The following MLPH variants were observed in gnomAD, a reference collection of about 807,000 sequenced individuals.
The protein encoded by MLPH is exophilin-3.
MLPH carries 51 observed loss-of-function variants against 72.1 expected under a neutral mutation model. That is an observed-to-expected ratio of 0.71 (90% CI 0.56 to 0.89). MLPH has a LOEUF of 0.89. Among genes scored for constraint, MLPH ranks in the 40% least tolerant of loss-of-function variants. MLPH has a pLI of 0.00. For synonymous variants in MLPH, 301 were observed against 310.1 expected (o/e 0.97, Z 0.31); for missense variants, 743 against 759.9 (o/e 0.98, Z 0.26).
chr2:237,493,584 C>A, intron 2 of MLPH, 48 bp downstream of exon 2: 1 of 1,446,244 alleles, frequency 6.9e-7, no homozygotes, highest in East Asian at 2.3e-5. Flanking sequence ...CCTGATCTTC[C>A]CCCAGGGCCA....
intron 4 of MLPH, among the ~76,000 whole-genome samples, chr2:237,516,519 T>G (rs1038171698): frequency 6.6e-6 from 1 of 152,172 alleles, no homozygotes; most frequent in Non-Finnish European, 1.5e-5. Context: ...ATGACTTAGC[T>G]CTAGGCCTCA....
At chr2:237,511,180 ATG>A (rs745488889) in intron 4 of MLPH, 79 bp downstream of exon 4, 35 of 1,108,088 alleles carry the variant, frequency 3.2e-5, no homozygotes, top group Non-Finnish European at 4.1e-5. Context: ...TGGAGTGTGC[ATG>A]TGTGTGTGTA....
At position 237,510,954 on chromosome 2, in the gene MLPH, C is replaced by G. The variant is rs753890050; in HGVS notation, c.333-35C>G. The G allele has an allele frequency of 1.9e-6, 3 of 1,583,238 alleles. No individual in the cohort carries two copies. In the Admixed American group the frequency reaches 5.0e-5, roughly 26 times the overall value. On this transcript the variant is annotated intron_variant, in intron 3 of 15. Coordinates refer to ENST00000264605, the MANE Select transcript of MLPH (RefSeq NM_024101.7). The surrounding 1 kb of genome is among the most constrained non-coding windows in gnomAD (Gnocchi z 4.4). Reference sequence around the variant, plus strand: ...TTTATGCAGGCCTGTGTACAGCACTCAGGCAGTGCCATGAGCCTGTGCTTG... The same window carrying G: ...TTTATGCAGGCCTGTGTACAGCACTGAGGCAGTGCCATGAGCCTGTGCTTG...
intron 5 of MLPH, 44 bp from the exon 6 acceptor site, chr2:237,519,851 TGGTCCTCTCCCTCAA>T: frequency 6.2e-7 from 1 of 1,613,204 alleles, no homozygotes; most frequent in Non-Finnish European, 8.5e-7. Context: ...GCAGGGTATT[TGGTCCTCTCCCTCAA>T]GCTAGCCCTG....
At chr2:237,548,677 G>A (rs1040077199) in intron 13 of MLPH, among the ~76,000 whole-genome samples, 14 of 152,136 alleles carry the variant, frequency 9.2e-5, no homozygotes, top group African/African-American at 3.4e-4. Context: ...GACCATTCTG[G>A]CTAACACGGT....
intron 4 of MLPH, chr2:237,518,294 A>G (rs1379435507): frequency 3.4e-6 from 2 of 593,522 alleles, no homozygotes; most frequent in Non-Finnish European, 6.2e-6. Flanking sequence ...TAGGTGGATG[A>G]GTGGATAAAT....
chr2:237,519,852 G>T (rs1213178265), intron 5 of MLPH, 58 bp from the exon 6 acceptor site: 11 of 1,613,134 alleles, frequency 6.8e-6, no homozygotes, highest in Non-Finnish European at 6.8e-6. Context: ...CAGGGTATTT[G>T]GTCCTCTCCC....
chr2:237,548,996 G>T (rs2080978309), intron 13 of MLPH, among the ~76,000 whole-genome samples: 1 of 152,222 alleles, frequency 6.6e-6, no homozygotes. Flanking sequence ...CCACCCAAAT[G>T]TGGCAGCTTC....
chr2:237,542,628 C>CG lies in MLPH; in HGVS notation c.1511dup (p.Pro506AlafsTer32). On this transcript the variant is annotated frameshift_variant, in exon 12 of 16. Transcript: ENST00000264605. LOFTEE classifies it high-confidence loss of function. ...GCCGCAGGGCTCACGGTGAAGCCCT[C>CG]GGGAAAGCCCCGGAGGAAGTCAAAC... 6.3e-7 allele frequency: 1 copy of CG among 1,596,926 alleles called. No homozygotes were observed. The highest frequency in any genetic ancestry group is 8.5e-7 in the Non-Finnish European group (1 of 1,172,940).
Position 237,553,570 on chromosome 2 carries a change from C to G in MLPH, c.1781C>G (p.Pro594Arg). The change falls in exon 16 of 16, where the codon CCT becomes CGT. Residue 594 changes from proline to arginine, a missense_variant. Coordinates refer to ENST00000264605, the MANE Select transcript of MLPH (RefSeq NM_024101.7). Reference sequence around the variant, plus strand: ...ATGTGTGTTTGTACTTTACAGAAACCTGTGGTGGCCCACCAGTCCTAACGG... The same window carrying G: ...ATGTGTGTTTGTACTTTACAGAAACGTGTGGTGGCCCACCAGTCCTAACGG... ...KGMASHTFAK[P>R]VVAHQS is the part of the protein sequence containing the mutation. 1.2e-6 allele frequency: 2 copies of G among 1,614,148 alleles called. No homozygotes were observed. Among genetic ancestry groups the G allele is most frequent in the Non-Finnish European group, 1.7e-6 (2 of 1,180,034 alleles).
chr2:237,536,855 T>C (rs2080541678), intron 9 of MLPH, among the ~76,000 whole-genome samples: 1 of 152,172 alleles, frequency 6.6e-6, no homozygotes, highest in Admixed American at 6.5e-5. Context: ...ATTAACCTTG[T>C]GGAGGGAAAG....
rs762955454 is a variant in MLPH, at chr2:237,525,751, C to A, written c.826C>A (p.Leu276Ile). 3.7e-6 allele frequency: 6 copies of A among 1,613,938 alleles called. No individual in the cohort carries two copies. Among genetic ancestry groups the A allele is most frequent in the South Asian group, 1.1e-5 (1 of 91,084 alleles). The change falls in exon 7 of 16, where the codon CTC (leucine) becomes ATC (isoleucine). Residue 276 changes from leucine to isoleucine, a missense_variant. Physicochemically the swap from Leu to Ile is conservative, Grantham distance 5. Transcript: ENST00000264605. ...TTCCAGACACGGCGCCCTGGCTGAG[C>A]TCTGCCCGCCTGGAGGCTCCCACAG... ...SPSRHGALAELCPPGGSHRMA... is the reference protein window; with the variant it reads ...SPSRHGALAEICPPGGSHRMA...
chr2:237,543,076 G>C (rs1169396403), intron 12 of MLPH, among the ~76,000 whole-genome samples: 1 of 83,904 alleles, frequency 1.2e-5, no homozygotes, highest in African/African-American at 5.3e-5. Flanking sequence ...GGTAGTGAGT[G>C]GGGAGACAGT....
rs151094004 is a variant in MLPH at position 237,542,562 on chromosome 2, C to G, written c.1447-5C>G. ...ACGGGCCTTCTGTCTGCTGTCCTCT[C>G]GCAGGTTTCAGACATTGAATCCAGG... On this transcript the variant is annotated splice_region_variant and splice_polypyrimidine_tract_variant and intron_variant, in intron 11 of 15. Coordinates refer to ENST00000264605, the MANE Select transcript of MLPH (RefSeq NM_024101.7). The G allele has an allele frequency of 5.2e-5, 83 of 1,593,286 alleles. No individual in the cohort carries two copies. The African/African-American group carries it at 7.1e-4, about 14-fold the overall frequency.
chr2:237,508,339 T>G (rs1314515802), intron 2 of MLPH, among the ~76,000 whole-genome samples: 1 of 152,270 alleles, frequency 6.6e-6, no homozygotes, highest in South Asian at 2.1e-4. Flanking sequence ...CTTGAACTCC[T>G]TACCTCAGGT....
At chr2:237,517,013 ATGG>A (rs2080046757) in intron 4 of MLPH, among the ~76,000 whole-genome samples, 1 of 138,652 alleles carries the variant, frequency 7.2e-6, no homozygotes, top group African/African-American at 2.9e-5. Flanking sequence ...GGATGGATGG[ATGG>A]ATGGATGGAT....
Position 237,540,495 on chromosome 2 carries a change from G to T in MLPH, c.1252G>T (p.Asp418Tyr). 6.2e-7 allele frequency: 1 copy of T among 1,612,784 alleles called. No individual in the cohort carries two copies. Among genetic ancestry groups the T allele is most frequent in the Non-Finnish European group, 8.5e-7 (1 of 1,179,934 alleles). ...AKDEKAEPNR[D>Y]KSVGPLPQAD... is the part of the protein sequence containing the mutation. ...GGACGAAAAGGCAGAGCCCAACAGG[G>T]ACAAATCAGTTGGGCCTCTCCCCCA... The change falls in exon 10 of 16, where the codon GAC becomes TAC. Residue 418 changes from aspartate (D) to tyrosine (Y), a missense_variant. Transcript: ENST00000264605.
upstream of MLPH, chr2:237,486,878 A>G (rs535658209): frequency 6.6e-6 from 1 of 152,304 alleles, no homozygotes; most frequent in Admixed American, 6.5e-5. Flanking sequence ...CGAAGTACAT[A>G]GCGCTTTCCC....
chr2:237,545,578 C>T, intron 12 of MLPH: 2 of 1,287,862 alleles, frequency 1.6e-6, no homozygotes, highest in Non-Finnish European at 2.0e-6. Context: ...CCTTAGTCCG[C>T]CGCCACGTGA....
Sources: gnomAD v4.1 joint callset for allele counts (sites outside exome capture counted in the v4.1 genomes callset) on GRCh38, gnomAD v4.1.1 for gene constraint, Gnocchi (gnomAD v3.1) non-coding constraint, MANE v1.5 for transcripts, NCBI Gene and HGNC (gene_info 2026-07-23, HGNC 2026-07-21) for gene names.